LAPTM4B: variants seen among roughly 807,000 people sequenced by gnomAD.
LAPTM4B encodes lysosomal protein transmembrane 4 beta, also known as lysosomal-associated transmembrane protein 4B.
A neutral mutation model predicts 28.5 loss-of-function variants in LAPTM4B; 26 were observed. The observed-to-expected ratio is 0.91, with a 90% CI of 0.67 to 1.27. The LOEUF (loss-of-function observed/expected upper bound fraction) is 1.27, where lower values mean the gene tolerates loss of function less well. Among genes scored for constraint, LAPTM4B ranks in the 50% most tolerant of loss-of-function variants. The pLI, the probability that LAPTM4B is intolerant of heterozygous loss-of-function variation, is 0.00. For missense variants in LAPTM4B, 288 were observed against 285.8 expected, an observed-to-expected ratio of 1.01 and a Z score of -0.06; for synonymous variants, 109 against 106.4, an observed-to-expected ratio of 1.02 and a Z score of -0.15.
intron 6 of LAPTM4B, among the ~76,000 whole-genome samples, chr8:97,839,472 C>G (rs1274037581): frequency 6.6e-6 from 1 of 152,144 alleles, no homozygotes; most frequent in Non-Finnish European, 1.5e-5. Flanking sequence ...GGATTACAGG[C>G]GTGAACCACT....
At chr8:97,813,245 CGGAG>C (rs1816855492) in intron 2 of LAPTM4B, among the ~76,000 whole-genome samples, 1 of 152,202 alleles carries the variant, frequency 6.6e-6, no homozygotes, top group Admixed American at 6.5e-5. Context: ...GGCCAAAGGC[CGGAG>C]AGCCCCTGGA....
intron 6 of LAPTM4B, among the ~76,000 whole-genome samples, chr8:97,847,219 C>T (rs757996126): frequency 2.1e-4 from 32 of 152,126 alleles, no homozygotes; most frequent in Non-Finnish European, 3.8e-4. Flanking sequence ...TCAGCCATTC[C>T]GTAGCTGAAC....
intron 1 of LAPTM4B, among the ~76,000 whole-genome samples, chr8:97,778,878 A>T (rs114364859): frequency 6.6e-6 from 1 of 152,134 alleles, no homozygotes; most frequent in African/African-American, 2.4e-5. Context: ...TGGTTTCTCT[A>T]TAAGTTGCTC....
intron 1 of LAPTM4B, among the ~76,000 whole-genome samples, chr8:97,795,486 C>G (rs1387491183): frequency 6.6e-6 from 1 of 152,124 alleles, no homozygotes; most frequent in Non-Finnish European, 1.5e-5. Context: ...TAAGCAAAGA[C>G]CCCTGTATCT....
At chr8:97,776,182 C>T (rs1816210673) in intron 1 of LAPTM4B, 74 bp downstream of exon 1, 4 of 1,458,722 alleles carry the variant, frequency 2.7e-6, no homozygotes, top group South Asian at 1.3e-5. Context: ...CCCGGCCTCG[C>T]GGTGGGGTGA....
chr8:97,823,590 G>T (rs1209738727), intron 5 of LAPTM4B, among the ~76,000 whole-genome samples: 11 of 150,840 alleles, frequency 7.3e-5, no homozygotes, highest in African/African-American at 2.2e-4. Flanking sequence ...GGCCAGGCTG[G>T]TCTCAAACTC....
intron 6 of LAPTM4B, among the ~76,000 whole-genome samples, chr8:97,830,548 C>G (rs914662855): frequency 1.3e-5 from 2 of 152,122 alleles, no homozygotes; most frequent in African/African-American, 4.8e-5. Context: ...ATGAAAGATA[C>G]AAAGGGCTGT....
chr8:97,826,295 A>C (rs1817090133), intron 6 of LAPTM4B, among the ~76,000 whole-genome samples: 1 of 152,224 alleles, frequency 6.6e-6, no homozygotes, highest in Admixed American at 6.5e-5. Flanking sequence ...CCAGATGCAC[A>C]AAACCTGGCA....
chr8:97,800,906 G>A (rs1044896295), intron 1 of LAPTM4B, among the ~76,000 whole-genome samples: 1 of 151,960 alleles, frequency 6.6e-6, no homozygotes, highest in Non-Finnish European at 1.5e-5. Flanking sequence ...GAGCCTGAGA[G>A]TTCAAGACCA....
intron 5 of LAPTM4B, among the ~76,000 whole-genome samples, chr8:97,824,595 G>T (rs1817064986): frequency 6.6e-6 from 1 of 152,036 alleles, no homozygotes; most frequent in African/African-American, 2.4e-5. Flanking sequence ...TATATGCTAT[G>T]AAATTTTTAA....
chr8:97,800,008 C>T (rs1018887447), intron 1 of LAPTM4B, among the ~76,000 whole-genome samples: 6 of 152,056 alleles, frequency 3.9e-5, no homozygotes, highest in East Asian at 1.9e-4. Context: ...TCCCTGCAAC[C>T]CCTGACTGTA....
chr8:97,817,178 C>G (rs1816931575), intron 4 of LAPTM4B, among the ~76,000 whole-genome samples: 1 of 152,130 alleles, frequency 6.6e-6, no homozygotes, highest in South Asian at 2.1e-4. Flanking sequence ...GTCACCCAGG[C>G]TGGAGTGCAG....
intron 2 of LAPTM4B, among the ~76,000 whole-genome samples, chr8:97,809,652 A>C (rs1313398417): frequency 6.6e-6 from 1 of 152,182 alleles, no homozygotes; most frequent in African/African-American, 2.4e-5. Flanking sequence ...GTGAGCCAAG[A>C]TTGTGTCACT....
At chr8:97,804,631 C>CAT (rs1328387388) in intron 1 of LAPTM4B, among the ~76,000 whole-genome samples, 1 of 152,166 alleles carries the variant, frequency 6.6e-6, no homozygotes, top group Non-Finnish European at 1.5e-5. Context: ...AAGCACTTAG[C>CAT]ATAGTGCCTG....
chr8:97,825,320 T>C (rs941516396), intron 6 of LAPTM4B, among the ~76,000 whole-genome samples, 167 bp downstream of exon 6: 13 of 152,228 alleles, frequency 8.5e-5, no homozygotes, highest in African/African-American at 2.7e-4. Flanking sequence ...CATTTAACTA[T>C]GAAGTTAAAT....
At chr8:97,812,215 TTG>T (rs59399251) in intron 2 of LAPTM4B, among the ~76,000 whole-genome samples, 56,732 of 109,564 alleles carry the variant, frequency 0.52, 12,533 homozygotes, top group East Asian at 0.67. Flanking sequence ...TGTTTTTTTT[TTG>T]TTGTTTTTTG....
At chr8:97,804,000 TTC>T (rs1241044902) in intron 1 of LAPTM4B, among the ~76,000 whole-genome samples, 1 of 152,260 alleles carries the variant, frequency 6.6e-6, no homozygotes, top group Non-Finnish European at 1.5e-5. Context: ...TAAGAGGCTT[TTC>T]TCTGTGTATC....
chr8:97,839,083 C>T (rs1199088839), intron 6 of LAPTM4B, among the ~76,000 whole-genome samples: 1 of 152,160 alleles, frequency 6.6e-6, no homozygotes, highest in Non-Finnish European at 1.5e-5. Context: ...GATTTTTCTC[C>T]CAAAACCTTT....
intron 6 of LAPTM4B, among the ~76,000 whole-genome samples, chr8:97,835,193 A>T (rs1025827100): frequency 1.2e-4 from 19 of 152,224 alleles, no homozygotes; most frequent in Admixed American, 2.6e-4. Flanking sequence ...TATTCCAGAT[A>T]CTAGGCCAGA....
Sources: gnomAD v4.1 joint callset for allele counts (sites outside exome capture counted in the v4.1 genomes callset) on GRCh38, gnomAD v4.1.1 for gene constraint, MANE v1.5 for transcripts, NCBI Gene and HGNC (gene_info 2026-07-23, HGNC 2026-07-21) for gene names.